Variants in DHRSX observed in about 807,000 individuals in gnomAD.
DHRSX encodes the protein dehydrogenase/reductase X-linked.
In DHRSX, 31 loss-of-function variants were observed where a neutral mutation model predicts 34.0. The ratio of observed to expected loss-of-function variants is 0.91; its 90% CI spans 0.69 to 1.23. The LOEUF is 1.23. Among genes scored for constraint, DHRSX ranks in the 50% most tolerant of loss-of-function variants. The probability of loss-of-function intolerance (pLI) is 0.00; values close to 1 mark genes in which losing one functional copy is unlikely to be tolerated. For synonymous variants in DHRSX, 201 were observed against 183.8 expected (o/e 1.09, Z -0.76); for missense variants, 414 against 428.1 (o/e 0.97, Z 0.29).
At chrX:2,426,335 C>T (rs1292502786) in intron 1 of DHRSX, among the ~76,000 whole-genome samples, 2 of 151,898 alleles carry the variant, frequency 1.3e-5, no homozygotes, top group Non-Finnish European at 2.9e-5. Context: ...TTCCACTTGT[C>T]CTCCCTTCCT....
rs779194560 is a variant in DHRSX, at chrX:2,322,230, T to C, written c.287-30627A>G. Among the ~76,000 whole-genome samples the C allele has an allele frequency of 2.2e-3, 335 of 152,144 alleles. 1 individual carries two copies. Among genetic ancestry groups the C allele is most frequent in the African/African-American group, 7.2e-3 (301 of 41,534 alleles). The stretch of plus-strand genomic sequence containing the variant: ...ACTGAGAACATACGATGTTGGTTTT[T>C]CATCCCTGAGTTACTTCACTTAGAA... On this transcript the variant is annotated intron_variant, in intron 3 of 6. Coordinates refer to ENST00000334651, the MANE Select transcript of DHRSX (RefSeq NM_145177.3).
At chrX:2,421,792 G>A (rs1312716330) in intron 2 of DHRSX, among the ~76,000 whole-genome samples, 3 of 152,222 alleles carry the variant, frequency 2.0e-5, no homozygotes, top group African/African-American at 7.2e-5. Flanking sequence ...TGAAACGCAT[G>A]AGGCCCAGGA....
At chrX:2,226,485 G>A (rs1177410309) in intron 6 of DHRSX, among the ~76,000 whole-genome samples, 1 of 152,110 alleles carries the variant, frequency 6.6e-6, no homozygotes, top group Non-Finnish European at 1.5e-5. Flanking sequence ...CCTTGGACTG[G>A]CCCAGCCCTT....
intron 1 of DHRSX, among the ~76,000 whole-genome samples, chrX:2,454,906 A>G (rs2044274776): frequency 2.0e-5 from 3 of 152,022 alleles, no homozygotes; most frequent in Non-Finnish European, 4.4e-5. Context: ...TGAGGTCCGG[A>G]GTTCAAGACC....
chrX:2,292,615 C>T (rs1350801787), intron 3 of DHRSX, among the ~76,000 whole-genome samples: 1 of 150,988 alleles, frequency 6.6e-6, no homozygotes, highest in Non-Finnish European at 1.5e-5. Flanking sequence ...AAACAGGAAG[C>T]AATTTATGCA....
chrX:2,413,835 A>T (rs1268028037), intron 2 of DHRSX, among the ~76,000 whole-genome samples: 1 of 152,098 alleles, frequency 6.6e-6, no homozygotes, highest in Non-Finnish European at 1.5e-5. Context: ...ACCCAAATAG[A>T]TCTGATTATA....
At chrX:2,319,176 T>C (rs1210134317) in intron 3 of DHRSX, among the ~76,000 whole-genome samples, 1 of 151,852 alleles carries the variant, frequency 6.6e-6, no homozygotes, top group Non-Finnish European at 1.5e-5. Context: ...ATTTGGACTT[T>C]CACCCGAGAT....
At chrX:2,446,542 G>A (rs182246399) in intron 1 of DHRSX, among the ~76,000 whole-genome samples, 72 of 150,396 alleles carry the variant, frequency 4.8e-4, no homozygotes, top group Middle Eastern at 3.6e-3. Flanking sequence ...AGAGACCACC[G>A]CCATGTACAC....
intron 4 of DHRSX, among the ~76,000 whole-genome samples, chrX:2,271,481 T>C (rs1428475567): frequency 1.3e-5 from 2 of 152,196 alleles, no homozygotes; most frequent in Admixed American, 6.5e-5. Flanking sequence ...GCACACACTT[T>C]CCAGCCAGAC....
At chrX:2,359,135 C>G (rs2042895226) in intron 3 of DHRSX, among the ~76,000 whole-genome samples, 1 of 152,128 alleles carries the variant, frequency 6.6e-6, no homozygotes, top group Non-Finnish European at 1.5e-5. Context: ...AAAAGGAACA[C>G]CTAAACACTG....
rs184737086 is a variant in DHRSX, at chrX:2,354,031, A to T, written c.286+54714T>A. Among the ~76,000 whole-genome samples the T allele has an allele frequency of 3.9e-4, 60 of 152,204 alleles. No homozygotes were observed. The South Asian group carries it at 4.4e-3, about 11-fold the overall frequency. Reference sequence around the variant, plus strand: ...CATGACTTTTCTACATGACTCCAGCAAGACTATGCTGGGGAGGAGGAGGAG... The same window carrying T: ...CATGACTTTTCTACATGACTCCAGCTAGACTATGCTGGGGAGGAGGAGGAG... On this transcript the variant is annotated intron_variant, in intron 3 of 6. Coordinates refer to ENST00000334651, the MANE Select transcript of DHRSX (RefSeq NM_145177.3).
chrX:2,267,297 A>G (rs1366414926), intron 4 of DHRSX, among the ~76,000 whole-genome samples: 1 of 152,154 alleles, frequency 6.6e-6, no homozygotes, highest in Non-Finnish European at 1.5e-5. Flanking sequence ...TCATCCCAGC[A>G]CTTTGGGAGG....
chrX:2,260,262 C>G (rs1323386313), intron 5 of DHRSX, among the ~76,000 whole-genome samples: 1 of 151,528 alleles, frequency 6.6e-6, no homozygotes, highest in Non-Finnish European at 1.5e-5. Flanking sequence ...CTGACTGGAT[C>G]ATGGGGCACC....
At chrX:2,289,240 C>G (rs1218123698) in intron 4 of DHRSX, among the ~76,000 whole-genome samples, 1 of 151,928 alleles carries the variant, frequency 6.6e-6, no homozygotes, top group Non-Finnish European at 1.5e-5. Context: ...GCCTCAGCCT[C>G]CTGAGTAGCT....
At chrX:2,336,804 G>C (rs917513909) in intron 3 of DHRSX, among the ~76,000 whole-genome samples, 6 of 151,402 alleles carry the variant, frequency 4.0e-5, no homozygotes, top group African/African-American at 1.5e-4. Context: ...AGACTTCCAA[G>C]TGTGTGGTCG....
chrX:2,433,351 T>C (rs1214056693), intron 1 of DHRSX, among the ~76,000 whole-genome samples: 2 of 152,136 alleles, frequency 1.3e-5, no homozygotes, highest in Non-Finnish European at 2.9e-5. Context: ...TTCTCCTTTA[T>C]ATCTAATAAC....
At chrX:2,232,033 C>CCTCCTCCCTGACTT (rs374747047) in intron 6 of DHRSX, among the ~76,000 whole-genome samples, 1 of 145,120 alleles carries the variant, frequency 6.9e-6, no homozygotes, top group Non-Finnish European at 1.5e-5. Context: ...TCTTCCTTCT[C>CCTCCTCCCTGACTT]CTCCTTTTTC....
At chrX:2,386,149 A>C (rs1304525543) in intron 3 of DHRSX, among the ~76,000 whole-genome samples, 1 of 138,302 alleles carries the variant, frequency 7.2e-6, no homozygotes, top group Non-Finnish European at 1.6e-5. Context: ...AAGTATATAG[A>C]TAATCAATTA....
intron 5 of DHRSX, among the ~76,000 whole-genome samples, chrX:2,262,231 T>G (rs1402030355): frequency 1.3e-5 from 2 of 152,172 alleles, no homozygotes; most frequent in Admixed American, 1.3e-4. Context: ...AATCCTGCAG[T>G]GAGCCCTGAG....
Sources: allele counts gnomAD v4.1 joint callset (sites outside exome capture counted in the v4.1 genomes callset), GRCh38; gene constraint gnomAD v4.1.1; transcripts MANE v1.5; gene names NCBI Gene and HGNC (gene_info 2026-07-23, HGNC 2026-07-21).